CLVS1: variants seen among roughly 807,000 people sequenced by gnomAD.
The protein encoded by CLVS1 is clavesin 1.
A neutral mutation model predicts 33.1 loss-of-function variants in CLVS1; 10 were observed. The observed-to-expected ratio is 0.30, with a 90% CI of 0.19 to 0.51. CLVS1 has a LOEUF of 0.51. Ranked by LOEUF, CLVS1 falls within the 20% of genes least tolerant of loss-of-function variation. The pLI is 0.97. For synonymous variants in CLVS1, 163 were observed against 166.1 expected, an observed-to-expected ratio of 0.98 and a Z score of 0.14; for missense variants, 343 against 433.4, an observed-to-expected ratio of 0.79 and a Z score of 1.85.
intron 4 of CLVS1, among the ~76,000 whole-genome samples, chr8:61,456,683 G>A (rs913015722): frequency 9.2e-5 from 14 of 152,108 alleles, no homozygotes; most frequent in East Asian, 2.0e-4. Flanking sequence ...TTGGGAGGCC[G>A]AGGCATGCGG....
In CLVS1 at chr8:61,145,908, C is replaced by A. The variant is rs140941228; in HGVS notation, c.-152+14048C>A. Among the ~76,000 whole-genome samples the A allele has an allele frequency of 4.7e-4, 71 of 152,274 alleles. No homozygotes were observed. The East Asian group carries it at 0.013, about 27-fold the overall frequency. On this transcript the variant is annotated intron_variant, in intron 2 of 2. Transcript: ENST00000522621. The stretch of plus-strand genomic sequence containing the variant: ...AAATTCCCAGTTCTGGGTGAGGAAA[C>A]GGAGGCACAGAAAGATTAAGTAATC...
chr8:61,338,219 T>G (rs1047348684), intron 2 of CLVS1, among the ~76,000 whole-genome samples: 1 of 152,222 alleles, frequency 6.6e-6, no homozygotes, highest in Admixed American at 6.5e-5. Flanking sequence ...TAAACTGAAT[T>G]GTTATAGGTT....
intron 1 of CLVS1, among the ~76,000 whole-genome samples, chr8:61,064,238 A>G (rs1804634723): frequency 6.6e-6 from 1 of 152,176 alleles, no homozygotes; most frequent in African/African-American, 2.4e-5. Context: ...TTGGGTATAT[A>G]CCTAGGAGTG....
rs543826448 is a variant in CLVS1, at chr8:61,471,612, G to A, written c.977+13070G>A. Among the ~76,000 whole-genome samples the A allele has an allele frequency of 4.4e-3, 674 of 152,148 alleles. 6 individuals carry two copies. Among genetic ancestry groups the A allele is most frequent in the Non-Finnish European group, 7.9e-3 (538 of 68,018 alleles). On this transcript the variant is annotated intron_variant, in intron 5 of 5. Coordinates refer to ENST00000325897, the MANE Select transcript of CLVS1 (RefSeq NM_173519.3). Reference sequence around the variant, plus strand: ...GAGCATGGCCAAGCACGTTGGGAGCGGGCCACAGAAAGCAAAGCCAAGAAG... The same window carrying A: ...GAGCATGGCCAAGCACGTTGGGAGCAGGCCACAGAAAGCAAAGCCAAGAAG...
the CLVS1 span, among the ~76,000 whole-genome samples, chr8:60,998,018 C>T: frequency 2.7e-3 from 415 of 152,074 alleles, 5 homozygotes; most frequent in African/African-American, 9.6e-3. Flanking sequence ...GGAAGGAAGG[C>T]GTCATCTTCC....
rs1810357966 is a variant in CLVS1, at chr8:61,299,680, G to A, written c.-148G>A. 1 of 596,868 alleles carries A rather than the reference G, an allele frequency of 1.7e-6. No homozygotes were observed. Among genetic ancestry groups the A allele is most frequent in the East Asian group, 2.8e-5 (1 of 36,032 alleles). 37.0% of individuals were successfully genotyped at this position (596,868 alleles called of 1,614,324 possible). Reference sequence around the variant, plus strand: ...TTTGTGTGTATTTGTTTTTCAGTAAGCAATGGCCTCAGTTTTGCTTCTGTT... The same window carrying A: ...TTTGTGTGTATTTGTTTTTCAGTAAACAATGGCCTCAGTTTTGCTTCTGTT... On this transcript the variant is annotated 5_prime_UTR_variant, in exon 2 of 6. Transcript: ENST00000325897.
chr8:61,491,997 T>A (rs1546111), intron 5 of CLVS1, among the ~76,000 whole-genome samples: 3 of 151,996 alleles, frequency 2.0e-5, no homozygotes, highest in African/African-American at 7.3e-5. Context: ...GAGAACTAAA[T>A]GAGCTAATAC....
chr8:61,473,199 C>A (rs1465369715), intron 5 of CLVS1, among the ~76,000 whole-genome samples: 1 of 151,998 alleles, frequency 6.6e-6, no homozygotes, highest in African/African-American at 2.4e-5. Context: ...GGATTCAGAG[C>A]AAACACCCTG....
chr8:61,030,900 A>G, the CLVS1 span, among the ~76,000 whole-genome samples: 4 of 152,216 alleles, frequency 2.6e-5, no homozygotes, highest in Non-Finnish European at 5.9e-5. Flanking sequence ...CTGAGTTTGT[A>G]AATTTGGATG....
At chr8:61,197,591 C>T (rs1181607873) in intron 2 of CLVS1, among the ~76,000 whole-genome samples, 1 of 152,142 alleles carries the variant, frequency 6.6e-6, no homozygotes, top group Admixed American at 6.5e-5. Context: ...GCTATCTTGG[C>T]TCACTGCAAC....
intron 1 of CLVS1, among the ~76,000 whole-genome samples, chr8:61,089,262 G>C (rs899641434): frequency 1.3e-5 from 2 of 152,136 alleles, no homozygotes; most frequent in Admixed American, 6.5e-5. Context: ...CAAATGGAAA[G>C]GCAGATAGAT....
rs1251801365 is a variant in CLVS1, at chr8:61,278,753, C to T, written c.-151-20924C>T. ...CACACCCTCCAGTTTAGGGCTGTGC[C>T]CTTTAGAATGACTCAGTGGGTCTCC... On this transcript the variant is annotated intron_variant, in intron 2 of 2. Transcript: ENST00000522621. Among the ~76,000 whole-genome samples the T allele has an allele frequency of 2.0e-5, 3 of 152,136 alleles. No homozygotes were observed. The East Asian group carries it at 5.8e-4, about 29-fold the overall frequency.
intron 5 of CLVS1, among the ~76,000 whole-genome samples, chr8:61,480,836 C>T (rs935460269): frequency 2.6e-5 from 4 of 151,968 alleles, no homozygotes; most frequent in African/African-American, 7.3e-5. Context: ...AAACATTGAA[C>T]GTGGAATGCT....
At position 61,474,912 on chromosome 8, in the gene CLVS1, C is replaced by T. The variant is rs182559564; in HGVS notation, c.977+16370C>T. Among the ~76,000 whole-genome samples the T allele has an allele frequency of 7.9e-4, 121 of 152,248 alleles. 1 individual carries two copies. Among genetic ancestry groups the T allele is most frequent in the Admixed American group, 1.1e-3 (17 of 15,302 alleles). On this transcript the variant is annotated intron_variant, in intron 5 of 5. Coordinates refer to ENST00000325897, the MANE Select transcript of CLVS1 (RefSeq NM_173519.3). ...CTGCACCCGTTAACTCGTCATTTAG[C>T]ATTAGGTATATCTCCTAATGCTATC...
the CLVS1 span, among the ~76,000 whole-genome samples, chr8:61,038,647 A>G: frequency 6.6e-6 from 1 of 152,166 alleles, no homozygotes; most frequent in Non-Finnish European, 1.5e-5. Flanking sequence ...TAAAGTGAGA[A>G]CAAAAAATGA....
intron 2 of CLVS1, among the ~76,000 whole-genome samples, chr8:61,320,669 C>T (rs756299043): frequency 6.6e-6 from 1 of 152,186 alleles, no homozygotes. Flanking sequence ...ATAGATGGTA[C>T]CTTCTAACTG....
At chr8:61,232,697 C>T (rs1392270346) in intron 2 of CLVS1, among the ~76,000 whole-genome samples, 1 of 152,186 alleles carries the variant, frequency 6.6e-6, no homozygotes, top group African/African-American at 2.4e-5. Context: ...CCCACACCCC[C>T]AATTTCCATA....
At chr8:61,375,402 C>A (rs1222684345) in intron 2 of CLVS1, among the ~76,000 whole-genome samples, 3 of 152,016 alleles carry the variant, frequency 2.0e-5, no homozygotes, top group African/African-American at 7.2e-5. Context: ...AGGTGCCCGC[C>A]ACCACGCCCA....
At chr8:60,997,456 T>C in the CLVS1 span, among the ~76,000 whole-genome samples, 1 of 152,240 alleles carries the variant, frequency 6.6e-6, no homozygotes. Context: ...ATATTTAGCA[T>C]CTATATGCAT....
Sources: allele counts gnomAD v4.1 joint callset (sites outside exome capture counted in the v4.1 genomes callset), GRCh38; gene constraint gnomAD v4.1.1; transcripts MANE v1.5; gene names NCBI Gene and HGNC (gene_info 2026-07-23, HGNC 2026-07-21).